Variants in MGLL observed in about 807,000 individuals in gnomAD.
MGLL encodes the protein monoglyceride lipase.
MGLL carries 7 observed loss-of-function variants against 29.1 expected under a neutral mutation model. The ratio of observed to expected loss-of-function variants is 0.24; its 90% CI spans 0.14 to 0.45. The LOEUF is 0.45. Among genes scored for constraint, MGLL ranks in the 20% least tolerant of loss-of-function variants. The probability of loss-of-function intolerance (pLI) is 0.99; values close to 1 mark genes in which losing one functional copy is unlikely to be tolerated. For synonymous variants in MGLL, 148 were observed against 168.3 expected (o/e 0.88, Z 0.93); for missense variants, 356 against 413.6 (o/e 0.86, Z 1.21).
rs115065766 is a variant in MGLL, at chr3:127,747,962, A to C, written c.263-25396T>G. On this transcript the variant is annotated intron_variant, in intron 3 of 7. Transcript: ENST00000265052. ...CTGGCACTCGGGGACCTGGTGTTGA[A>C]AATGAGTCAAATGGGGACAGATGCT... is the stretch of plus-strand genomic sequence containing the variant. 3.0e-3 allele frequency among the ~76,000 whole-genome samples: 455 copies of C among 152,310 alleles called. 2 individuals are homozygous for C. The highest frequency in any genetic ancestry group is 0.011 in the African/African-American group (439 of 41,560).
At chr3:127,812,243 T>C (rs1339499963) in intron 2 of MGLL, among the ~76,000 whole-genome samples, 1 of 152,234 alleles carries the variant, frequency 6.6e-6, no homozygotes, top group African/African-American at 2.4e-5. Context: ...AGTCAAGAGT[T>C]ATGCCACAAA....
At chr3:127,738,973 C>G (rs1477040197) in intron 3 of MGLL, among the ~76,000 whole-genome samples, 1 of 152,208 alleles carries the variant, frequency 6.6e-6, no homozygotes, top group Non-Finnish European at 1.5e-5. Flanking sequence ...TGTCCACCAT[C>G]GCAGAAATTT....
At chr3:127,783,310 C>T (rs1281154436) in intron 2 of MGLL, among the ~76,000 whole-genome samples, 3 of 152,198 alleles carry the variant, frequency 2.0e-5, no homozygotes, top group African/African-American at 7.2e-5. Flanking sequence ...GCTGCCTCGG[C>T]GGAGGCTCCC....
chr3:127,784,369 C>T (rs1262277681), intron 2 of MGLL, among the ~76,000 whole-genome samples: 1 of 152,196 alleles, frequency 6.6e-6, no homozygotes, highest in Non-Finnish European at 1.5e-5. Context: ...CTGTTCTCAT[C>T]ACAATGTTGA....
intron 3 of MGLL, among the ~76,000 whole-genome samples, chr3:127,781,176 T>C (rs1388672434): frequency 6.6e-6 from 1 of 152,148 alleles, no homozygotes; most frequent in Non-Finnish European, 1.5e-5. Context: ...TAGGTGCACA[T>C]GTGTATGTAT....
intron 2 of MGLL, among the ~76,000 whole-genome samples, chr3:127,787,644 G>A (rs1274577786): frequency 6.6e-6 from 1 of 152,210 alleles, no homozygotes; most frequent in Non-Finnish European, 1.5e-5. Context: ...GGGGAGCCTC[G>A]GGGACACTAG....
At chr3:127,704,634 G>A (rs2075563525) in intron 6 of MGLL, among the ~76,000 whole-genome samples, 1 of 152,070 alleles carries the variant, frequency 6.6e-6, no homozygotes, top group Non-Finnish European at 1.5e-5. Context: ...AGAAACACAT[G>A]AAAAAAAGCT....
chr3:127,760,654 C>G (rs2076747928), intron 3 of MGLL, among the ~76,000 whole-genome samples: 1 of 152,228 alleles, frequency 6.6e-6, no homozygotes, highest in Admixed American at 6.5e-5. Context: ...GGCCACTCGC[C>G]TGGGGGCTGT....
chr3:127,694,347 GTATATATATGTGTATATATATGTATGTA>G (rs2075313149), intron 7 of MGLL, among the ~76,000 whole-genome samples: 1 of 73,030 alleles, frequency 1.4e-5, no homozygotes, highest in Admixed American at 1.2e-4. Context: ...ATATGTATGT[GTATATATATGTGTATATATATGTATGTA>G]TATATATGTG....
chr3:127,778,369 C>T (rs992892150), intron 3 of MGLL, among the ~76,000 whole-genome samples: 3 of 152,246 alleles, frequency 2.0e-5, no homozygotes, highest in African/African-American at 7.2e-5. Context: ...CTCAGTCCTG[C>T]TGGTCTTGCT....
intron 3 of MGLL, among the ~76,000 whole-genome samples, chr3:127,739,920 A>G (rs1379625836): frequency 6.6e-6 from 1 of 152,204 alleles, no homozygotes; most frequent in Non-Finnish European, 1.5e-5. Flanking sequence ...TGAAGCACGT[A>G]TAGAGACTCA....
intron 6 of MGLL, 94 bp downstream of exon 6, chr3:127,710,482 G>T: frequency 8.9e-7 from 1 of 1,126,066 alleles, no homozygotes. Flanking sequence ...CTCGGTGAAA[G>T]GGCAGCAGAG....
chr3:127,821,151 T>C (rs1449713869), intron 2 of MGLL, among the ~76,000 whole-genome samples: 1 of 152,222 alleles, frequency 6.6e-6, no homozygotes, highest in East Asian at 1.9e-4. Flanking sequence ...ATAGTCCCAA[T>C]GTTTGCTTCT....
intron 5 of MGLL, chr3:127,711,015 T>C: frequency 2.7e-6 from 1 of 373,930 alleles, no homozygotes; most frequent in Non-Finnish European, 5.2e-6. Flanking sequence ...GCTCTGGCCA[T>C]TTCTCTGGGG....
chr3:127,744,729 G>A (rs1312140035), intron 3 of MGLL, among the ~76,000 whole-genome samples: 1 of 152,276 alleles, frequency 6.6e-6, no homozygotes, highest in East Asian at 1.9e-4. Context: ...AGCTCCATGA[G>A]ATCAGCAACC....
Position 127,715,022 on chromosome 3 carries a change from G to A in MGLL, c.511-4357C>T, listed in dbSNP as rs140527745. ...GGCTCCAGGGCCACCTGGCTTCTGG[G>A]TCAGGATCTGTAGCTTCACAGGGCT... On this transcript the variant is annotated intron_variant, in intron 5 of 7. Transcript: ENST00000265052. Among the ~76,000 whole-genome samples the A allele has an allele frequency of 5.7e-3, 872 of 152,320 alleles. 10 individuals are homozygous for A. The highest frequency in any genetic ancestry group is 0.02 in the African/African-American group (817 of 41,562).
chr3:127,754,517 C>G (rs78161983), intron 3 of MGLL, among the ~76,000 whole-genome samples: 1 of 152,194 alleles, frequency 6.6e-6, no homozygotes, highest in Non-Finnish European at 1.5e-5. Context: ...GCAACGGCCC[C>G]GCTAGGCAGC....
At chr3:127,777,239 G>A (rs1036331284) in intron 3 of MGLL, among the ~76,000 whole-genome samples, 1 of 152,202 alleles carries the variant, frequency 6.6e-6, no homozygotes, top group Non-Finnish European at 1.5e-5. Flanking sequence ...GAGATGAAAG[G>A]AAATCCTGTG....
At chr3:127,756,950 C>G (rs2076676394) in intron 3 of MGLL, among the ~76,000 whole-genome samples, 1 of 152,198 alleles carries the variant, frequency 6.6e-6, no homozygotes, top group African/African-American at 2.4e-5. Context: ...TGCCATACAT[C>G]CCTTCAGGTC....
Sources: gnomAD v4.1 joint callset for allele counts (sites outside exome capture counted in the v4.1 genomes callset) on GRCh38, gnomAD v4.1.1 for gene constraint, MANE v1.5 for transcripts, NCBI Gene and HGNC (gene_info 2026-07-23, HGNC 2026-07-21) for gene names.